The following LRIG2 variants were observed in gnomAD, a reference collection of about 807,000 sequenced individuals.
LRIG2 encodes leucine rich repeats and immunoglobulin like domains 2.
LRIG2 carries 93 observed loss-of-function variants against 107.8 expected under a neutral mutation model. The ratio of observed to expected loss-of-function variants is 0.86; its 90% CI spans 0.73 to 1.03. The LOEUF is 1.03. Among genes scored for constraint, LRIG2 ranks in the 50% least tolerant of loss-of-function variants. The pLI is 0.00. For synonymous variants in LRIG2, 471 were observed against 470.6 expected, an observed-to-expected ratio of 1.00 and a Z score of -0.01; for missense variants, 1,226 against 1,296.0, an observed-to-expected ratio of 0.95 and a Z score of 0.83.
chr1:113,095,009 CTG>C (rs10591638), intron 6 of LRIG2, among the ~76,000 whole-genome samples: 53,868 of 150,182 alleles, frequency 0.36, 10,073 homozygotes, highest in East Asian at 0.64. Context: ...GAGTCTCACT[CTG>C]TTGCCCAGGC....
chr1:113,087,824 AAGG>A (rs1159539909), intron 1 of LRIG2, among the ~76,000 whole-genome samples: 1 of 152,194 alleles, frequency 6.6e-6, no homozygotes, highest in Non-Finnish European at 1.5e-5. Flanking sequence ...ATTTGCAGTA[AAGG>A]AGAATAGTAG....
chr1:113,124,390 ATCTGCTTGT>A lies in LRIG2; in HGVS notation c.*290_*298del. The A allele has an allele frequency of 2.2e-6, 1 of 450,120 alleles. No individual in the cohort carries two copies. The highest frequency in any genetic ancestry group is 3.7e-5 in the Admixed American group (1 of 26,908). 27.9% of individuals were successfully genotyped at this position (450,120 alleles called of 1,614,324 possible). On this transcript the variant is annotated 3_prime_UTR_variant, in exon 18 of 18. Transcript: ENST00000361127. The stretch of plus-strand genomic sequence containing the variant: ...TCCATGGGGATGTGCCCTGGTGTGC[ATCTGCTTGT>A]CAGGAAGAGTCACATTGCTGCTTAA...
Position 113,112,643 on chromosome 1 carries a change from C to G in LRIG2, c.1963C>G (p.Pro655Ala). The change falls in exon 14 of 18, where the codon CCC becomes GCC. Residue 655 changes from proline to alanine, a missense_variant. By Grantham distance (27) the Pro-to-Ala change is conservative. This residue lies in a region of LRIG2 where 642 missense variants were observed against 712.2 expected (regional missense o/e 0.90). Transcript: ENST00000361127. ...TCGAGAAAGACGCATGCACGTCATG[C>G]CCGAGGATGACGTCTTCTTTATTGC... Reference protein sequence around the residue: ...AARERRMHVMPEDDVFFIANV... With the variant: ...AARERRMHVMAEDDVFFIANV... The G allele has an allele frequency of 6.2e-7, 1 of 1,614,108 alleles. No individual in the cohort carries two copies. The highest frequency in any genetic ancestry group is 8.5e-7 in the Non-Finnish European group (1 of 1,180,010).
At position 113,124,144 on chromosome 1, in the gene LRIG2, A is replaced by C. The variant is rs765613010; in HGVS notation, c.*43A>C. 6 of 1,563,024 alleles carry C rather than the reference A, an allele frequency of 3.8e-6. No homozygotes were observed. The highest frequency in any genetic ancestry group is 4.4e-6 in the Non-Finnish European group (5 of 1,136,206). ...AATCTGGGCAGAGACTTATTAATTA[A>C]TTTTGCATTTACTACCTCAGAGCTC... is the stretch of plus-strand genomic sequence containing the variant. On this transcript the variant is annotated 3_prime_UTR_variant, in exon 18 of 18. Coordinates refer to ENST00000361127, the MANE Select transcript of LRIG2 (RefSeq NM_014813.3).
chr1:113,093,852 A>G (rs1344023352), intron 4 of LRIG2, among the ~76,000 whole-genome samples: 1 of 152,236 alleles, frequency 6.6e-6, no homozygotes, highest in East Asian at 1.9e-4. Context: ...ATATTTGGTT[A>G]TTTATTGTGC....
chr1:113,116,140 T>C (rs1654997907), intron 15 of LRIG2, 147 bp from the exon 16 acceptor site: 1 of 502,380 alleles, frequency 2.0e-6, no homozygotes, highest in East Asian at 3.3e-5. Flanking sequence ...GAAATAGTTT[T>C]AGGGGAAGTA....
Position 113,129,315 on chromosome 1 carries a change from A to AAAAAC in LRIG2, c.*5218_*5219insCAAAA, listed in dbSNP as rs1289749635. 2 of 151,168 alleles carry AAAAAC rather than the reference A, an allele frequency of 1.3e-5. No homozygotes were observed. The highest frequency in any genetic ancestry group is 1.5e-5 in the Non-Finnish European group (1 of 67,904). 9.4% of individuals were successfully genotyped at this position (151,168 alleles called of 1,614,324 possible). ...ACAGAGTGAGACTCCGTCTCAAAAA[A>AAAAAC]AAAAAAAAAAAAACCCGTGTAGGAG... On this transcript the variant is annotated 3_prime_UTR_variant, in exon 18 of 18. Transcript: ENST00000361127.
intron 15 of LRIG2, 78 bp from the exon 16 acceptor site, chr1:113,116,209 G>A: frequency 7.7e-7 from 1 of 1,290,592 alleles, no homozygotes; most frequent in African/African-American, 1.5e-5. Flanking sequence ...TATCAAAGTG[G>A]AACACATTTG....
intron 1 of LRIG2, among the ~76,000 whole-genome samples, chr1:113,080,836 GTTTTTT>G (rs1007236694): frequency 2.4e-5 from 2 of 84,610 alleles, no homozygotes; most frequent in South Asian, 4.1e-4. Flanking sequence ...AACACTAAAA[GTTTTTT>G]TTTTTTTTTT....
At chr1:113,092,134 TGAAAGAGTAGGCACTGAG>T (rs1165287732) in intron 2 of LRIG2, among the ~76,000 whole-genome samples, 1 of 152,224 alleles carries the variant, frequency 6.6e-6, no homozygotes, top group Admixed American at 6.5e-5. Flanking sequence ...GTTTGTTAGC[TGAAAGAGTAGGCACTGAG>T]GAAAGGCCTG....
At chr1:113,110,741 C>T (rs1049358519) in intron 13 of LRIG2, among the ~76,000 whole-genome samples, 179 bp downstream of exon 13, 16 of 152,164 alleles carry the variant, frequency 1.1e-4, no homozygotes, top group South Asian at 2.1e-4. Context: ...AGTCTGCCCA[C>T]TTATGGTCTC....
chr1:113,084,928 A>C (rs762947312), intron 1 of LRIG2, among the ~76,000 whole-genome samples: 3 of 152,210 alleles, frequency 2.0e-5, no homozygotes, highest in Non-Finnish European at 4.4e-5. Flanking sequence ...AGTCATGAAA[A>C]ATGTTACAAT....
At chr1:113,108,729 T>G (rs1228014510) in intron 12 of LRIG2, among the ~76,000 whole-genome samples, 1 of 151,520 alleles carries the variant, frequency 6.6e-6, no homozygotes, top group East Asian at 2.0e-4. Context: ...ATACAAAAAT[T>G]AGCTGGGCGT....
chr1:113,074,773 G>A (rs1199432935), intron 1 of LRIG2, among the ~76,000 whole-genome samples: 1 of 151,970 alleles, frequency 6.6e-6, no homozygotes, highest in Non-Finnish European at 1.5e-5. Context: ...GCTGGGTGTG[G>A]TGGTGTGCGC....
chr1:113,080,561 A>G (rs755042270), intron 1 of LRIG2, among the ~76,000 whole-genome samples: 16 of 150,620 alleles, frequency 1.1e-4, no homozygotes, highest in Non-Finnish European at 1.6e-4. Context: ...TTGTATTTTC[A>G]GTAGGACGTG....
chr1:113,100,133 C>G, intron 9 of LRIG2, 78 bp from the exon 10 acceptor site: 2 of 842,526 alleles, frequency 2.4e-6, no homozygotes, highest in Admixed American at 5.6e-5. Flanking sequence ...CTTATTTTCA[C>G]TTTTTATAGG....
At chr1:113,120,294 A>G (rs1655187594) in intron 17 of LRIG2, among the ~76,000 whole-genome samples, 1 of 151,614 alleles carries the variant, frequency 6.6e-6, no homozygotes, top group South Asian at 2.1e-4. Context: ...CACTAAAAAT[A>G]CAAAAATTAG....
rs12120738 is a variant in LRIG2, at chr1:113,081,559, G to A, written c.239+7914G>A. The stretch of plus-strand genomic sequence containing the variant: ...AGGATAGTCTCGATCTCTTGACCTC[G>A]TGATTGGCTGGAATGCAGTGGGGTG... On this transcript the variant is annotated intron_variant, in intron 1 of 17. Coordinates refer to ENST00000361127, the MANE Select transcript of LRIG2 (RefSeq NM_014813.3). Among the ~76,000 whole-genome samples, 360 of 152,042 alleles carry A rather than the reference G, an allele frequency of 2.4e-3. 2 individuals carry two copies. Among genetic ancestry groups the A allele is most frequent in the Non-Finnish European group, 4.1e-3 (278 of 67,966 alleles).
chr1:113,114,176 C>T (rs546497738), intron 14 of LRIG2, among the ~76,000 whole-genome samples: 6 of 151,556 alleles, frequency 4.0e-5, no homozygotes, highest in East Asian at 3.9e-4. Context: ...AATGGGTCAC[C>T]GCTGCTCACC....
Sources: allele counts gnomAD v4.1 joint callset (sites outside exome capture counted in the v4.1 genomes callset), GRCh38; gene constraint gnomAD v4.1.1; regional missense constraint gnomAD v4.1.1; transcripts MANE v1.5; gene names NCBI Gene and HGNC (gene_info 2026-07-23, HGNC 2026-07-21).